The following CDYL2 variants were observed in gnomAD, a reference collection of about 807,000 sequenced individuals.
CDYL2 encodes chromodomain Y like 2, also known as chromodomain Y-like protein 2.
In CDYL2, 23 loss-of-function variants were observed where a neutral mutation model predicts 49.4. That is an observed-to-expected ratio of 0.47 (90% CI 0.34 to 0.66). The LOEUF is 0.66. Ranked by LOEUF, CDYL2 falls within the 30% of genes least tolerant of loss-of-function variation. The pLI is 0.01. For synonymous variants in CDYL2, 360 were observed against 268.8 expected (o/e 1.34, Z -3.32); for missense variants, 678 against 656.4 (o/e 1.03, Z -0.36).
intron 1 of CDYL2, among the ~76,000 whole-genome samples, chr16:80,743,895 T>C (rs566174128): frequency 6.6e-6 from 1 of 152,052 alleles, no homozygotes; most frequent in Non-Finnish European, 1.5e-5. Flanking sequence ...ACCCAGTAAG[T>C]GGTAAAGAGA....
Position 80,632,964 on chromosome 16 carries a change from G to A in CDYL2, c.834+55C>T, listed in dbSNP as rs76772745. ...AAGGAGAAAGCCAATATTCCATTCTGAGTGAGAAGGAGCCACAGCCCAGCT... is the reference window on the plus strand; with the variant it reads ...AAGGAGAAAGCCAATATTCCATTCTAAGTGAGAAGGAGCCACAGCCCAGCT... On this transcript the variant is annotated intron_variant, in intron 3 of 6. Coordinates refer to ENST00000570137, the MANE Select transcript of CDYL2 (RefSeq NM_152342.4). The A allele has an allele frequency of 8.8e-3, 13,422 of 1,520,762 alleles. 845 individuals carry two copies. The African/African-American group carries it at 0.15, about 17-fold the overall frequency. The allele number at this position is 1,520,762 out of a possible 1,614,324, so 94.2% of individuals were successfully genotyped here.
chr16:80,607,532 C>T (rs1906394701), intron 6 of CDYL2, among the ~76,000 whole-genome samples: 1 of 152,246 alleles, frequency 6.6e-6, no homozygotes, highest in Non-Finnish European at 1.5e-5. Context: ...AGGATATTCC[C>T]CTGCCGCGCT....
intron 2 of CDYL2, among the ~76,000 whole-genome samples, chr16:80,676,961 GTATTTTT>G (rs1254141385): frequency 1.8e-5 from 2 of 110,566 alleles, no homozygotes; most frequent in East Asian, 2.6e-4. Context: ...CCAATTCAAT[GTATTTTT>G]TTTTTTTTTT....
rs1907664373 is a variant in CDYL2, at chr16:80,633,383, G to A, written c.617-147C>T. On this transcript the variant is annotated intron_variant, in intron 2 of 6. Coordinates refer to ENST00000570137, the MANE Select transcript of CDYL2 (RefSeq NM_152342.4). ...TCCCCTGTGCCACCCTCTGTTCTAG[G>A]AAGAGGGAAGGTGAAGAGACAGGCT... The A allele has an allele frequency of 5.3e-6, 4 of 749,234 alleles. No individual in the cohort carries two copies. In the East Asian group the frequency reaches 8.0e-5, roughly 15 times the overall value. 46.4% of individuals were successfully genotyped at this position (749,234 alleles called of 1,614,324 possible).
intron 1 of CDYL2, among the ~76,000 whole-genome samples, chr16:80,691,573 G>A (rs1301140825): frequency 6.6e-6 from 1 of 152,158 alleles, no homozygotes; most frequent in African/African-American, 2.4e-5. Flanking sequence ...AAAACACTAT[G>A]CCTAGAGAGA....
At chr16:80,644,145 G>A (rs1337797094) in intron 2 of CDYL2, among the ~76,000 whole-genome samples, 1 of 152,166 alleles carries the variant, frequency 6.6e-6, no homozygotes, top group Non-Finnish European at 1.5e-5. Context: ...TCTCTCTCAA[G>A]TTCAAAGTTC....
rs116835895 is a variant in CDYL2, at chr16:80,615,249, G to A, written c.1008-2413C>T. Reference sequence around the variant, plus strand: ...TTCCTAACCTAATGGTGAGGTTTTCGGTTAGGTCACTGGTTTTTGCAAGTG... The same window carrying A: ...TTCCTAACCTAATGGTGAGGTTTTCAGTTAGGTCACTGGTTTTTGCAAGTG... On this transcript the variant is annotated intron_variant, in intron 4 of 6. Transcript: ENST00000570137. Among the ~76,000 whole-genome samples, 467 of 152,196 alleles carry A rather than the reference G, an allele frequency of 3.1e-3. 6 individuals are homozygous for A. The highest frequency in any genetic ancestry group is 0.011 in the African/African-American group (436 of 41,520).
At chr16:80,782,656 G>T (rs1429769351) in intron 1 of CDYL2, among the ~76,000 whole-genome samples, 1 of 150,110 alleles carries the variant, frequency 6.7e-6, no homozygotes, top group Non-Finnish European at 1.5e-5. Context: ...CCATGACCAA[G>T]AGGGATTTAT....
At chr16:80,616,171 C>G (rs1040084150) in intron 4 of CDYL2, among the ~76,000 whole-genome samples, 2 of 152,220 alleles carry the variant, frequency 1.3e-5, no homozygotes, top group African/African-American at 2.4e-5. Flanking sequence ...AGTTCTGCCC[C>G]TAACTAATGG....
chr16:80,656,679 G>A (rs1437469300), intron 2 of CDYL2, among the ~76,000 whole-genome samples: 1 of 152,192 alleles, frequency 6.6e-6, no homozygotes, highest in Non-Finnish European at 1.5e-5. Flanking sequence ...CCGTGCCCCT[G>A]TTCCAAACAT....
intron 1 of CDYL2, among the ~76,000 whole-genome samples, chr16:80,739,653 C>A (rs952433310): frequency 6.6e-6 from 1 of 152,182 alleles, no homozygotes; most frequent in African/African-American, 2.4e-5. Flanking sequence ...TCCTGCTCTG[C>A]CATCCACACC....
chr16:80,712,215 A>ATATATATATATATATATATATC (rs763194077), intron 1 of CDYL2, among the ~76,000 whole-genome samples: 108 of 128,344 alleles, frequency 8.4e-4, no homozygotes, highest in Admixed American at 1.5e-3. Flanking sequence ...ATATATATAT[A>ATATATATATATATATATATATC]TCTCCAAACC....
intron 1 of CDYL2, among the ~76,000 whole-genome samples, chr16:80,768,961 CA>C (rs1906817432): frequency 6.6e-6 from 1 of 152,134 alleles, no homozygotes; most frequent in Non-Finnish European, 1.5e-5. Flanking sequence ...CAACACCTAT[CA>C]AAAACAAGTC....
At chr16:80,713,553 C>A (rs147957709) in intron 1 of CDYL2, among the ~76,000 whole-genome samples, 2 of 152,050 alleles carry the variant, frequency 1.3e-5, no homozygotes, top group South Asian at 4.2e-4. Context: ...TGGGGGATGA[C>A]CGGCCTCAAC....
intron 1 of CDYL2, among the ~76,000 whole-genome samples, chr16:80,742,852 G>A (rs1198401210): frequency 6.6e-6 from 1 of 151,240 alleles, no homozygotes; most frequent in Admixed American, 6.6e-5. Flanking sequence ...TAAATGAGTG[G>A]ATATATGAAT....
chr16:80,697,763 C>T (rs1220583096), intron 1 of CDYL2, among the ~76,000 whole-genome samples: 1 of 151,744 alleles, frequency 6.6e-6, no homozygotes, highest in Non-Finnish European at 1.5e-5. Context: ...TCTATACAAT[C>T]GTAACAAACT....
intron 1 of CDYL2, among the ~76,000 whole-genome samples, chr16:80,725,663 A>G (rs1227044987): frequency 1.3e-5 from 2 of 152,100 alleles, no homozygotes; most frequent in African/African-American, 2.4e-5. Context: ...TCCACAAGAA[A>G]CTCTGTACGA....
At chr16:80,751,739 C>G (rs1906143720) in intron 1 of CDYL2, among the ~76,000 whole-genome samples, 1 of 152,186 alleles carries the variant, frequency 6.6e-6, no homozygotes, top group South Asian at 2.1e-4. Flanking sequence ...AATTTTGGAA[C>G]TCAGGACCTG....
Position 80,761,287 on chromosome 16 carries a change from A to T in CDYL2, c.24+42863T>A, listed in dbSNP as rs371887456. On this transcript the variant is annotated intron_variant, in intron 1 of 6. Transcript: ENST00000570137. The stretch of plus-strand genomic sequence containing the variant: ...CAGGCAGCCATCTGGGTTCCAATCT[A>T]TCACTGAGGACCTGTGTGACTTTGG... Among the ~76,000 whole-genome samples the T allele has an allele frequency of 4.5e-4, 68 of 152,322 alleles. No homozygotes were observed. The Middle Eastern group carries it at 0.01, about 23-fold the overall frequency.
Sources: gnomAD v4.1 joint callset for allele counts (sites outside exome capture counted in the v4.1 genomes callset) on GRCh38, gnomAD v4.1.1 for gene constraint, MANE v1.5 for transcripts, NCBI Gene and HGNC (gene_info 2026-07-23, HGNC 2026-07-21) for gene names.